SEC14L1: variants seen among roughly 807,000 people sequenced by gnomAD.
SEC14L1 encodes the protein SEC14-like protein 1.
A neutral mutation model predicts 85.3 loss-of-function variants in SEC14L1; 48 were observed. The ratio of observed to expected loss-of-function variants is 0.56; its 90% CI spans 0.45 to 0.72. The LOEUF is 0.72. SEC14L1 is among the 30% of genes least tolerant of loss of function. SEC14L1 has a pLI of 0.00. For synonymous variants in SEC14L1, 391 were observed against 355.5 expected (o/e 1.10, Z -1.12); for missense variants, 682 against 921.4 (o/e 0.74, Z 3.36).
At chr17:77,118,271 G>A (rs557806457) in intron 3 of SEC14L1, among the ~76,000 whole-genome samples, 84 of 152,384 alleles carry the variant, frequency 5.5e-4, no homozygotes, top group African/African-American at 1.9e-3. Flanking sequence ...GGCCACCTGG[G>A]CGTTGTCTCC....
At chr17:77,198,221 A>G (rs532329627) in intron 8 of SEC14L1, among the ~76,000 whole-genome samples, 1 of 152,378 alleles carries the variant, frequency 6.6e-6, no homozygotes, top group East Asian at 1.9e-4. Context: ...TTTGCCTTTA[A>G]GAGGCAAATA....
intron 3 of SEC14L1, among the ~76,000 whole-genome samples, chr17:77,116,373 A>C (rs1194881724): frequency 1.3e-5 from 2 of 152,192 alleles, no homozygotes; most frequent in African/African-American, 4.8e-5. Context: ...ACCCGGAGCC[A>C]GAACCCAGAA....
At chr17:77,138,469 A>T (rs1972856888), upstream of SEC14L1, among the ~76,000 whole-genome samples, 1 of 151,880 alleles carries the variant, frequency 6.6e-6, no homozygotes, top group African/African-American at 2.4e-5. Flanking sequence ...AAAATAAAAA[A>T]ATTAGCTGGG....
intron 3 of SEC14L1, among the ~76,000 whole-genome samples, chr17:77,165,827 A>T (rs1974257367): frequency 1.3e-5 from 2 of 152,136 alleles, no homozygotes; most frequent in Non-Finnish European, 2.9e-5. Context: ...TACATCTTGT[A>T]ATTTTAGGGT....
At chr17:77,174,902 C>T (rs1237038959) in intron 3 of SEC14L1, among the ~76,000 whole-genome samples, 2 of 152,238 alleles carry the variant, frequency 1.3e-5, no homozygotes, top group Non-Finnish European at 2.9e-5. Flanking sequence ...AACGCAGTTC[C>T]TGTCGGTGTC....
chr17:77,123,694 A>T (rs56082544), intron 3 of SEC14L1, among the ~76,000 whole-genome samples: 59,383 of 151,382 alleles, frequency 0.39, 12,643 homozygotes, highest in African/African-American at 0.57. Flanking sequence ...ATTACAGGCG[A>T]GAGCCACCAC....
At chr17:77,131,262 T>C (rs1972601648) in intron 3 of SEC14L1, among the ~76,000 whole-genome samples, 1 of 152,134 alleles carries the variant, frequency 6.6e-6, no homozygotes, top group South Asian at 2.1e-4. Context: ...AAATCTGCTT[T>C]TTTGTAGTGG....
intron 3 of SEC14L1, among the ~76,000 whole-genome samples, chr17:77,116,082 C>T (rs577915362): frequency 2.6e-5 from 4 of 152,056 alleles, no homozygotes; most frequent in South Asian, 2.1e-4. Flanking sequence ...CCAGGTTCAG[C>T]GAATTTTTAT....
At chr17:77,165,246 G>T (rs1257207861) in intron 3 of SEC14L1, among the ~76,000 whole-genome samples, 3 of 152,132 alleles carry the variant, frequency 2.0e-5, no homozygotes, top group Non-Finnish European at 4.4e-5. Context: ...ATCTGAGACA[G>T]GTCTTAGTTA....
intron 3 of SEC14L1, among the ~76,000 whole-genome samples, chr17:77,168,690 T>C (rs910548331): frequency 1.3e-5 from 2 of 152,208 alleles, no homozygotes; most frequent in East Asian, 1.9e-4. Context: ...ACTCTGGTCT[T>C]GACACAGACT....
intron 7 of SEC14L1, 60 bp from the exon 8 acceptor site, chr17:77,196,142 A>T (rs1383851883): frequency 4.5e-6 from 6 of 1,340,832 alleles, no homozygotes; most frequent in African/African-American, 1.4e-5. Flanking sequence ...GAGCACAAAG[A>T]CTTTGGGAGC....
In SEC14L1 at chr17:77,215,378, G is replaced by A; in HGVS notation, c.*1355G>A. 1 of 985,456 alleles carries A rather than the reference G, an allele frequency of 1.0e-6. No individual in the cohort carries two copies. The highest frequency in any genetic ancestry group is 1.2e-6 in the Non-Finnish European group (1 of 829,956). 61.0% of individuals were successfully genotyped at this position (985,456 alleles called of 1,614,324 possible). A position where few individuals can be genotyped will look rare whatever the true frequency, so the allele number is the denominator to read the frequency against. On this transcript the variant is annotated 3_prime_UTR_variant, in exon 17 of 17. Transcript: ENST00000436233. ...TGTTTCTGTGTGCAGCAGAGGCCGT[G>A]TTTTTCATGCCAAACCCCACGCGGC...
In SEC14L1 at chr17:77,194,786, C is replaced by T; in HGVS notation, c.584C>T (p.Ser195Leu). ...SITTSSETSS[S>L]SSKKQAASMA... ...ACGACCTCTTCAGAGACATCTTCAT[C>T]ATCCTCCAAGAAACAAGCAGCGTCC... Residue 195 changes from serine to leucine, a missense_variant, in exon 7 of 17, where the codon TCA becomes TTA. Ser to Leu is a moderately radical substitution (Grantham distance 145, BLOSUM62 -2). Around this residue, in one of 3 missense-constraint regions of SEC14L1, gnomAD observed 123 missense variants for 100.6 expected, o/e 1.22. Transcript: ENST00000436233. 6.2e-7 allele frequency: 1 copy of T among 1,614,206 alleles called. No individual in the cohort carries two copies. The highest frequency in any genetic ancestry group is 8.5e-7 in the Non-Finnish European group (1 of 1,180,026).
intron 8 of SEC14L1, among the ~76,000 whole-genome samples, chr17:77,196,855 T>C (rs1039875300): frequency 2.6e-5 from 4 of 152,238 alleles, no homozygotes; most frequent in African/African-American, 9.6e-5. Flanking sequence ...CTGAGTGCTG[T>C]TGAATACCAG....
At chr17:77,152,196 C>CT (rs1182245573) in intron 3 of SEC14L1, among the ~76,000 whole-genome samples, 1 of 151,762 alleles carries the variant, frequency 6.6e-6, no homozygotes, top group Admixed American at 6.6e-5. Flanking sequence ...CTAAGGCAGA[C>CT]TTTTTTTTAA....
At chr17:77,144,336 C>G (rs1973181912) in intron 3 of SEC14L1, among the ~76,000 whole-genome samples, 1 of 152,164 alleles carries the variant, frequency 6.6e-6, no homozygotes, top group Non-Finnish European at 1.5e-5. Context: ...GTGTGTCACA[C>G]TCAGCACACC....
At chr17:77,205,698 A>G (rs1976428799) in intron 11 of SEC14L1, among the ~76,000 whole-genome samples, 1 of 152,214 alleles carries the variant, frequency 6.6e-6, no homozygotes, top group Non-Finnish European at 1.5e-5. Context: ...GAAAATGTTT[A>G]GTGATTCAGA....
intron 1 of SEC14L1, among the ~76,000 whole-genome samples, chr17:77,142,271 A>T (rs377439562): frequency 2.6e-5 from 4 of 152,160 alleles, no homozygotes. Context: ...TTTAAACCTT[A>T]GTACTATAGA....
intron 3 of SEC14L1, among the ~76,000 whole-genome samples, chr17:77,101,941 C>A (rs1189741491): frequency 6.6e-6 from 1 of 152,190 alleles, no homozygotes; most frequent in Non-Finnish European, 1.5e-5. Flanking sequence ...GTCATGCAAG[C>A]TGGGTTCTCT....
Sources: gnomAD v4.1 joint callset for allele counts (sites outside exome capture counted in the v4.1 genomes callset) on GRCh38, gnomAD v4.1.1 for gene constraint, gnomAD v4.1.1 regional missense constraint, MANE v1.5 for transcripts, NCBI Gene and HGNC (gene_info 2026-07-23, HGNC 2026-07-21) for gene names.